The following MRC1 variants were observed in gnomAD, a reference collection of about 807,000 sequenced individuals.
The protein encoded by MRC1 is mannose receptor C-type 1.
Under a neutral mutation model 102.9 loss-of-function variants are expected in MRC1, and 62 were observed. The ratio of observed to expected loss-of-function variants is 0.60; its 90% CI spans 0.49 to 0.74. The LOEUF is 0.74. MRC1 is among the 30% of genes least tolerant of loss of function. The pLI, the probability that MRC1 is intolerant of heterozygous loss-of-function variation, is 0.00. For synonymous variants in MRC1, 457 were observed against 298.4 expected (o/e 1.53, Z -5.48); for missense variants, 1,237 against 862.8 (o/e 1.43, Z -5.43).
intron 1 of MRC1, among the ~76,000 whole-genome samples, chr10:17,820,899 G>T (rs1838385155): frequency 6.6e-6 from 1 of 152,020 alleles, no homozygotes; most frequent in Admixed American, 6.6e-5. Flanking sequence ...GTTCCATTGT[G>T]AGCAAAGCCC....
intron 1 of MRC1, among the ~76,000 whole-genome samples, chr10:17,809,897 C>T (rs1449280249): frequency 6.6e-6 from 1 of 152,162 alleles, no homozygotes; most frequent in Non-Finnish European, 1.5e-5. Context: ...TCTGTCTCAC[C>T]GCCAACAAAC....
intron 3 of MRC1, among the ~76,000 whole-genome samples, chr10:17,828,421 T>A (rs1339370136): frequency 6.6e-6 from 1 of 151,454 alleles, no homozygotes; most frequent in Non-Finnish European, 1.5e-5. Flanking sequence ...GCGAAAATTA[T>A]CCTGTACACA....
chr10:17,834,860 G>A (rs2130615235), intron 4 of MRC1, among the ~76,000 whole-genome samples: 1 of 152,260 alleles, frequency 6.6e-6, no homozygotes, highest in South Asian at 2.1e-4. Flanking sequence ...TAGTGTGGGA[G>A]CAAAAGCATC....
intron 1 of MRC1, 133 bp downstream of exon 1, chr10:17,809,659 T>C (rs1838192940): frequency 1.3e-6 from 1 of 774,000 alleles, no homozygotes; most frequent in Non-Finnish European, 2.4e-6. Context: ...CACCACGCAG[T>C]CCACGGCTAA....
At chr10:17,877,053 T>A (rs1243140685) in intron 17 of MRC1, among the ~76,000 whole-genome samples, 1 of 150,656 alleles carries the variant, frequency 6.6e-6, no homozygotes, top group African/African-American at 2.4e-5. Context: ...AGATGTTTTC[T>A]AATATTGCAC....
At chr10:17,821,239 TACTC>T (rs1838390751) in intron 1 of MRC1, among the ~76,000 whole-genome samples, 1 of 152,038 alleles carries the variant, frequency 6.6e-6, no homozygotes, top group South Asian at 2.1e-4. Context: ...GAGTAAGTCT[TACTC>T]ACTCTAAGTA....
At chr10:17,875,688 C>T (rs1416359730) in intron 17 of MRC1, among the ~76,000 whole-genome samples, 6 of 152,166 alleles carry the variant, frequency 3.9e-5, no homozygotes, top group African/African-American at 9.7e-5. Context: ...AGGCTGGTTC[C>T]ATATGTTTGC....
chr10:17,833,342 G>A (rs1030687783), intron 3 of MRC1, among the ~76,000 whole-genome samples: 26 of 152,020 alleles, frequency 1.7e-4, no homozygotes, highest in Non-Finnish European at 3.5e-4. Flanking sequence ...GCCACATAGA[G>A]AGACTACATT....
At chr10:17,909,668 T>C (rs1290684834) in intron 29 of MRC1, among the ~76,000 whole-genome samples, 1 of 151,914 alleles carries the variant, frequency 6.6e-6, no homozygotes, top group Non-Finnish European at 1.5e-5. Context: ...ATTTTTTTTT[T>C]GTTTTAATTT....
intron 25 of MRC1, among the ~76,000 whole-genome samples, chr10:17,901,431 G>A (rs1326481638): frequency 6.6e-6 from 1 of 152,252 alleles, no homozygotes; most frequent in South Asian, 2.1e-4. Context: ...GCTCACCCCT[G>A]TAATCCCAGC....
chr10:17,814,570 C>T (rs1838276397), intron 1 of MRC1, among the ~76,000 whole-genome samples: 1 of 151,710 alleles, frequency 6.6e-6, no homozygotes, highest in Non-Finnish European at 1.5e-5. Context: ...AATGGTGGAA[C>T]CAGGATTTGA....
intron 1 of MRC1, among the ~76,000 whole-genome samples, chr10:17,811,103 T>G (rs1838214472): frequency 6.6e-6 from 1 of 152,226 alleles, no homozygotes; most frequent in Non-Finnish European, 1.5e-5. Context: ...CTGATATTAT[T>G]AATGTATTTT....
At position 17,910,665 on chromosome 10, in the gene MRC1, T is replaced by C; in HGVS notation, c.*200T>C. 2 of 629,392 alleles carry C rather than the reference T, an allele frequency of 3.2e-6. No individual in the cohort carries two copies. Among genetic ancestry groups the C allele is most frequent in the Non-Finnish European group, 2.8e-6 (1 of 352,964 alleles). The allele number at this position is 629,392 out of a possible 1,614,324, so 39.0% of individuals were successfully genotyped here. A position where few individuals can be genotyped will look rare whatever the true frequency, so the allele number is the denominator to read the frequency against. ...TTTCATAAAAGAGGGATAACAATGC[T>C]GATTACTACCTTTTAAAATATTTTA... On this transcript the variant is annotated 3_prime_UTR_variant, in exon 30 of 30. Transcript: ENST00000569591.
intron 1 of MRC1, among the ~76,000 whole-genome samples, chr10:17,819,288 C>T (rs1220528867): frequency 1.3e-5 from 2 of 152,034 alleles, no homozygotes; most frequent in Non-Finnish European, 2.9e-5. Flanking sequence ...CAAGTCAGGC[C>T]CGGCTCCTCC....
In MRC1 at chr10:17,866,641, A is replaced by G; in HGVS notation, c.1863A>G (p.Ala621=). 1.3e-6 allele frequency: 1 copy of G among 780,842 alleles called. No individual in the cohort carries two copies. The highest frequency in any genetic ancestry group is 2.4e-6 in the Non-Finnish European group (1 of 417,944). 48.4% of individuals were successfully genotyped at this position (780,842 alleles called of 1,614,324 possible). The part of the protein sequence containing the change: ...LWDVLKCDEK[A]KFVCKHWAEG... ...ATGTTTTGAAATGTGATGAAAAGGC[A>G]AAATTTGTGTGCAAGCACTGGGCAG... Residue 621 remains alanine (A), a synonymous_variant, in exon 12 of 30, where the codon GCA becomes GCG. Transcript: ENST00000569591.
At chr10:17,835,422 A>C (rs1589169959) in intron 4 of MRC1, among the ~76,000 whole-genome samples, 2 of 152,212 alleles carry the variant, frequency 1.3e-5, no homozygotes, top group Non-Finnish European at 2.9e-5. Context: ...TGTCTTGTCC[A>C]CATGCAGCTT....
rs1034142137 is a variant in MRC1, at chr10:17,906,881, T to C, written c.3800-5T>C. On this transcript the variant is annotated splice_polypyrimidine_tract_variant and splice_region_variant and intron_variant, in intron 26 of 29. Coordinates refer to ENST00000569591, the MANE Select transcript of MRC1 (RefSeq NM_002438.4). ...CTATCATATTTATCCTTTTACGCTT[T>C]CTAGGTTCCTCTCTGGTTTCCATTG... is the stretch of plus-strand genomic sequence containing the variant. The C allele has an allele frequency of 1.3e-6, 1 of 781,742 alleles. No homozygotes were observed. The highest frequency in any genetic ancestry group is 2.4e-6 in the Non-Finnish European group (1 of 418,844). The allele number at this position is 781,742 out of a possible 1,614,324, so 48.4% of individuals were successfully genotyped here. A position where few individuals can be genotyped will look rare whatever the true frequency, so the allele number is the denominator to read the frequency against.
intron 7 of MRC1, among the ~76,000 whole-genome samples, chr10:17,852,307 T>C (rs1230056118): frequency 1.3e-5 from 2 of 152,210 alleles, no homozygotes; most frequent in African/African-American, 2.4e-5. Flanking sequence ...TTCCTGGCAT[T>C]TCATGATGAA....
At chr10:17,856,170 A>C (rs1314467439) in intron 8 of MRC1, 72 bp from the exon 9 acceptor site, 14 of 136,912 alleles carry the variant, frequency 1.0e-4, no homozygotes, top group Admixed American at 5.2e-4. Context: ...ACACTGTCTC[A>C]AAAAAAAAAA....
Sources: gnomAD v4.1 joint callset for allele counts (sites outside exome capture counted in the v4.1 genomes callset) on GRCh38, gnomAD v4.1.1 for gene constraint, MANE v1.5 for transcripts, NCBI Gene and HGNC (gene_info 2026-07-23, HGNC 2026-07-21) for gene names.